Variants in SNED1 observed in about 807,000 individuals in gnomAD.
SNED1 encodes sushi, nidogen and EGF-like domain-containing protein 1.
SNED1 carries 81 observed loss-of-function variants against 166.7 expected under a neutral mutation model. The observed-to-expected ratio is 0.49, with a 90% confidence interval of 0.41 to 0.58. The LOEUF is 0.58. Ranked by LOEUF, SNED1 falls within the 20% of genes least tolerant of loss-of-function variation. The pLI is 0.00. For synonymous variants in SNED1, 762 were observed against 822.0 expected (o/e 0.93, Z 1.25); for missense variants, 1,604 against 2,000.2 (o/e 0.80, Z 3.78).
chr2:241,001,304 T>G (rs923110536), intron 1 of SNED1, among the ~76,000 whole-genome samples: 6 of 152,252 alleles, frequency 3.9e-5, no homozygotes, highest in African/African-American at 1.4e-4. Context: ...AAATTAGAAG[T>G]GCTCTTGCAT....
Position 240,998,941 on chromosome 2 carries a change from G to A in SNED1, c.104G>A (p.Gly35Asp). Residue 35 changes from glycine to aspartate, a missense_variant, in exon 1 of 32, where the codon GGC (glycine) becomes GAC (aspartate). Gly to Asp is a moderately conservative substitution (Grantham distance 94). This residue lies in a region of SNED1 where 1,237 missense variants were observed against 1,620.8 expected (regional missense o/e 0.76). Coordinates refer to ENST00000310397, the MANE Select transcript of SNED1 (RefSeq NM_001080437.3). ...AVALADFYPF[G>D]AERGDAVTPK... Reference sequence around the variant, plus strand: ...GCCCTTGCCGACTTCTACCCGTTCGGCGCCGAGCGCGGCGACGCCGTCACC... The same window carrying A: ...GCCCTTGCCGACTTCTACCCGTTCGACGCCGAGCGCGGCGACGCCGTCACC... The A allele has an allele frequency of 7.8e-7, 1 of 1,288,926 alleles. No homozygotes were observed. Among genetic ancestry groups the A allele is most frequent in the Non-Finnish European group, 9.8e-7 (1 of 1,016,328 alleles). 79.8% of individuals were successfully genotyped at this position (1,288,926 alleles called of 1,614,324 possible).
intron 29 of SNED1, chr2:241,087,175 T>C: frequency 3.8e-6 from 2 of 526,888 alleles, no homozygotes; most frequent in Non-Finnish European, 6.7e-6. Context: ...GGGTTTATTT[T>C]ATGCATATTA....
At chr2:241,063,153 C>T (rs1271153150) in intron 17 of SNED1, among the ~76,000 whole-genome samples, 1 of 152,212 alleles carries the variant, frequency 6.6e-6, no homozygotes, top group Non-Finnish European at 1.5e-5. Flanking sequence ...AGAAGGTGGG[C>T]GTCGGAGAGG....
intron 17 of SNED1, 70 bp downstream of exon 17, chr2:241,062,974 C>A: frequency 9.9e-7 from 1 of 1,007,950 alleles, no homozygotes; most frequent in Non-Finnish European, 1.4e-6. Flanking sequence ...GGCACTGGGT[C>A]CCCCGGACAG....
chr2:241,090,086 CT>C lies in SNED1; in HGVS notation c.*2-1549del, dbSNP rs749418460. The C allele has an allele frequency of 5.3e-6, 8 of 1,510,056 alleles. No individual in the cohort carries two copies. The South Asian group carries it at 1.0e-4, about 20-fold the overall frequency. 93.5% of individuals were successfully genotyped at this position (1,510,056 alleles called of 1,614,324 possible). ...ACCTTAGCTTACTGTAACTTTTTTACTTTATACATTTTTAATTTTTACTTTT... is the reference window on the plus strand; with the variant it reads ...ACCTTAGCTTACTGTAACTTTTTTACTTATACATTTTTAATTTTTACTTTT... On this transcript the variant is annotated intron_variant, in intron 31 of 31. Coordinates refer to ENST00000310397, the MANE Select transcript of SNED1 (RefSeq NM_001080437.3).
chr2:241,049,130 G>C lies in SNED1; in HGVS notation c.1613G>C (p.Ser538Thr). 6.2e-7 allele frequency: 1 copy of C among 1,611,242 alleles called. No homozygotes were observed. Among genetic ancestry groups the C allele is most frequent in the Non-Finnish European group, 8.5e-7 (1 of 1,178,654 alleles). Residue 538 changes from serine (S) to threonine (T), a missense_variant, in exon 11 of 32, where the codon AGC (serine) becomes ACC (threonine). Physicochemically the swap from Ser to Thr is moderately conservative, Grantham distance 58. This residue lies in a region of SNED1 where 1,237 missense variants were observed against 1,620.8 expected (regional missense o/e 0.76). Transcript: ENST00000310397. ...GTCTGCCACACCGACCACAATGCCA[G>C]CCACTGTGAGTAGCTCGGGGACGAG... ...LCVCHTDHNASHSLPSPCDSD... is the reference protein window; with the variant it reads ...LCVCHTDHNATHSLPSPCDSD...
chr2:241,071,312 T>G, intron 24 of SNED1: 1 of 564,204 alleles, frequency 1.8e-6, no homozygotes. Flanking sequence ...GACTCAGCCC[T>G]GCCTCATGAC....
intron 8 of SNED1, among the ~76,000 whole-genome samples, chr2:241,046,285 C>T (rs1221924268): frequency 1.3e-5 from 2 of 152,138 alleles, no homozygotes; most frequent in Non-Finnish European, 2.9e-5. Flanking sequence ...ATAATATGCC[C>T]CAGCAATCCC....
intron 24 of SNED1, 53 bp from the exon 25 acceptor site, chr2:241,071,523 A>G: frequency 6.5e-7 from 1 of 1,548,012 alleles, no homozygotes; most frequent in South Asian, 1.2e-5. Flanking sequence ...AGGGGCAGGG[A>G]CAGGAGCAGA....
At chr2:241,047,029 G>A (rs1203079917) in intron 8 of SNED1, among the ~76,000 whole-genome samples, 3 of 151,598 alleles carry the variant, frequency 2.0e-5, no homozygotes, top group Non-Finnish European at 2.9e-5. Context: ...TATAATCCCA[G>A]CTACTCGGGA....
intron 1 of SNED1, among the ~76,000 whole-genome samples, chr2:241,028,634 A>G (rs2124968404): frequency 6.6e-6 from 1 of 152,362 alleles, no homozygotes; most frequent in East Asian, 1.9e-4. Flanking sequence ...GTTTCATTCC[A>G]TCAGTCTGTA....
intron 6 of SNED1, among the ~76,000 whole-genome samples, chr2:241,039,447 C>T (rs542962739): frequency 9.2e-5 from 14 of 152,140 alleles, no homozygotes; most frequent in African/African-American, 2.9e-4. Flanking sequence ...TTCTCCTCTG[C>T]GTCTGGCTCT....
Position 241,036,770 on chromosome 2 carries a change from G to GC in SNED1, c.806-16dup. On this transcript the variant is annotated intron_variant, in intron 4 of 31. Coordinates refer to ENST00000310397, the MANE Select transcript of SNED1 (RefSeq NM_001080437.3). The stretch of plus-strand genomic sequence containing the variant: ...TCCGGAGGCAGCGGCTGAGGCTCCA[G>GC]CCCCTCCCTATGTCTGCAGCGTCCG... The GC allele has an allele frequency of 6.2e-7, 1 of 1,604,940 alleles. No individual in the cohort carries two copies. The highest frequency in any genetic ancestry group is 1.1e-5 in the South Asian group (1 of 90,990).
Position 240,999,536 on chromosome 2 carries a change from C to CT in SNED1, c.213+488dup, listed in dbSNP as rs1348922588. Among the ~76,000 whole-genome samples the CT allele has an allele frequency of 6.6e-6, 1 of 152,228 alleles. No individual in the cohort carries two copies. The highest frequency in any genetic ancestry group is 1.5e-5 in the Non-Finnish European group (1 of 68,030). On this transcript the variant is annotated intron_variant, in intron 1 of 31. Transcript: ENST00000310397. This position sits in a 1 kb window ranked among gnomAD's most constrained non-coding sequence, Gnocchi z 5.8. ...GGCCCAGAGCCAGGAGGCTGGACCCCTTGCCCAGGCGCTCAGGGCAGGGCC... is the reference window on the plus strand; with the variant it reads ...GGCCCAGAGCCAGGAGGCTGGACCCCTTTGCCCAGGCGCTCAGGGCAGGGCC...
intron 8 of SNED1, chr2:241,040,899 G>A (rs1298228163): frequency 2.2e-6 from 1 of 461,122 alleles, no homozygotes; most frequent in East Asian, 7.0e-5. Flanking sequence ...TGACTTGTTA[G>A]AGGAATTAAA....
chr2:241,074,154 G>A (rs1238745291), intron 27 of SNED1: 1 of 152,294 alleles, frequency 6.6e-6, no homozygotes, highest in Non-Finnish European at 1.5e-5. Flanking sequence ...ACTTGGTAAA[G>A]GTGTGAGCTG....
rs562597857 is a variant in SNED1, at chr2:241,048,351, C to T, written c.1310C>T (p.Pro437Leu). ...GTGCCAGACGCCTGCCTCTCGGCCC[C>T]TTGCCACAATGGGGGCACCTGTGTG... ...HPVPDACLSAPCHNGGTCVDA... is the reference protein window; with the variant it reads ...HPVPDACLSALCHNGGTCVDA... The change falls in exon 9 of 32, where the codon CCT (proline) becomes CTT (leucine). Residue 437 changes from proline to leucine, a missense_variant. Physicochemically the swap from Pro to Leu is moderately conservative, Grantham distance 98. Transcript: ENST00000310397. 2 of 1,611,228 alleles carry T rather than the reference C, an allele frequency of 1.2e-6. No homozygotes were observed. The highest frequency in any genetic ancestry group is 2.2e-5 in the East Asian group (1 of 44,852).
Position 241,040,202 on chromosome 2 carries a change from C to G in SNED1, c.1159+14C>G, listed in dbSNP as rs2061487057. ...CCTGCGAGATGGGTGAGTGGCCTGG[C>G]TTCGGATTGGAGAGGGGCTCCTGCC... On this transcript the variant is annotated intron_variant, in intron 7 of 31. Coordinates refer to ENST00000310397, the MANE Select transcript of SNED1 (RefSeq NM_001080437.3). 7 of 1,581,986 alleles carry G rather than the reference C, an allele frequency of 4.4e-6. No individual in the cohort carries two copies. Among genetic ancestry groups the G allele is most frequent in the Non-Finnish European group, 6.0e-6 (7 of 1,163,382 alleles).
intron 8 of SNED1, among the ~76,000 whole-genome samples, chr2:241,047,614 CTA>C (rs1460403570): frequency 6.6e-6 from 1 of 152,220 alleles, no homozygotes; most frequent in Non-Finnish European, 1.5e-5. Flanking sequence ...CAAAATTAAA[CTA>C]GAGATCAGCA....
Sources: allele counts gnomAD v4.1 joint callset (sites outside exome capture counted in the v4.1 genomes callset), GRCh38; gene constraint gnomAD v4.1.1; regional missense constraint gnomAD v4.1.1; non-coding constraint Gnocchi (gnomAD v3.1); transcripts MANE v1.5; gene names NCBI Gene and HGNC (gene_info 2026-07-23, HGNC 2026-07-21).